DRC3: variants seen among roughly 807,000 people sequenced by gnomAD.
DRC3 encodes dynein regulatory complex subunit 3.
In DRC3, 45 loss-of-function variants were observed where a neutral mutation model predicts 57.6. The observed-to-expected ratio is 0.78, with a 90% CI of 0.62 to 1.00. The LOEUF is 1.00. Among genes scored for constraint, DRC3 ranks in the 50% least tolerant of loss-of-function variants. DRC3 has a pLI of 0.00. For synonymous variants in DRC3, 257 were observed against 272.3 expected, an observed-to-expected ratio of 0.94 and a Z score of 0.55; for missense variants, 655 against 675.2, an observed-to-expected ratio of 0.97 and a Z score of 0.33.
In DRC3 at chr17:18,007,057, C is replaced by T. The variant is rs753596336; in HGVS notation, c.1236C>T (p.His412=). ...AGTGCCGGGACCTGGAGAATCACCA[C>T]CACGAGAAGCTCCTGGAGATCTCTA... ...MAQCRDLENH[H]HEKLLEISIS... The change falls in exon 12 of 14, where the codon CAC becomes CAT. Residue 412 remains histidine, a synonymous_variant. Coordinates refer to ENST00000399187, the MANE Select transcript of DRC3 (RefSeq NM_031294.4). 2 of 1,576,212 alleles carry T rather than the reference C, an allele frequency of 1.3e-6. No individual in the cohort carries two copies. Among genetic ancestry groups the T allele is most frequent in the Non-Finnish European group, 1.7e-6 (2 of 1,159,476 alleles).
chr17:18,011,316 C>T, intron 12 of DRC3: 1 of 350,624 alleles, frequency 2.9e-6, no homozygotes, highest in South Asian at 2.1e-5. Flanking sequence ...GCCAGCGCAG[C>T]AGGTTCAAGG....
intron 9 of DRC3, among the ~76,000 whole-genome samples, chr17:17,998,076 G>A (rs888856717): frequency 1.3e-5 from 2 of 152,220 alleles, no homozygotes; most frequent in Non-Finnish European, 2.9e-5. Context: ...CACTGGACAT[G>A]GTTCCTGCCC....
chr17:17,992,926 C>G lies in DRC3; in HGVS notation c.591+15C>G. ...ATGACCACACAGCAAGTGTCTCCCT[C>G]TCAGTCTCCCAGCCCTGTGAGACAG... On this transcript the variant is annotated intron_variant, in intron 6 of 13. Transcript: ENST00000399187. 6.2e-7 allele frequency: 1 copy of G among 1,613,768 alleles called. No homozygotes were observed. Among genetic ancestry groups the G allele is most frequent in the Non-Finnish European group, 8.5e-7 (1 of 1,179,738 alleles).
chr17:17,994,543 G>A (rs1199723265), intron 7 of DRC3, 125 bp downstream of exon 7: 1 of 1,319,864 alleles, frequency 7.6e-7, no homozygotes. Flanking sequence ...TCCCTCCACA[G>A]GGCCTGATGC....
chr17:17,977,491 C>G, intron 2 of DRC3, 91 bp from the exon 3 acceptor site: 1 of 1,476,552 alleles, frequency 6.8e-7, no homozygotes, highest in Non-Finnish European at 9.4e-7. Context: ...TGCCAGTGGC[C>G]ACAAGACACT....
Position 17,992,777 on chromosome 17 carries a change from C to T in DRC3, c.457C>T (p.Arg153Trp), listed in dbSNP as rs1275052723. 4.3e-6 allele frequency: 7 copies of T among 1,613,404 alleles called. No individual in the cohort carries two copies. The highest frequency in any genetic ancestry group is 1.1e-5 in the South Asian group (1 of 90,994). Reference sequence around the variant, plus strand: ...TTTTTCTCCCCAGATCATCTACCTCCGGCGGTTCAAGTGCCTGCGGACGCT... The same window carrying T: ...TTTTTCTCCCCAGATCATCTACCTCTGGCGGTTCAAGTGCCTGCGGACGCT... ...IDNMMNIIYL[R>W]RFKCLRTLSL... Residue 153 changes from arginine to tryptophan, a missense_variant, in exon 6 of 14, where the codon CGG becomes TGG. Transcript: ENST00000399187.
chr17:17,995,107 G>C lies in DRC3; in HGVS notation c.820G>C (p.Glu274Gln). 1 of 1,611,322 alleles carries C rather than the reference G, an allele frequency of 6.2e-7. No homozygotes were observed. Among genetic ancestry groups the C allele is most frequent in the South Asian group, 1.1e-5 (1 of 90,994 alleles). The change falls in exon 8 of 14, where the codon GAG (glutamate) becomes CAG (glutamine). Residue 274 changes from glutamate to glutamine, a missense_variant. Physicochemically the swap from Glu to Gln is conservative, Grantham distance 29. Transcript: ENST00000399187. ...SYLPGVGELLETYKDKFVIIC... is the reference protein window; with the variant it reads ...SYLPGVGELLQTYKDKFVIIC... The stretch of plus-strand genomic sequence containing the variant: ...CCTGCCTGGTGTCGGTGAGCTCCTT[G>C]AGACATATCCTTCTGAGTTCATGGC...
chr17:18,007,525 AC>A, intron 12 of DRC3: 1 of 1,537,226 alleles, frequency 6.5e-7, no homozygotes, highest in Non-Finnish European at 8.8e-7. Flanking sequence ...TATAATGAGT[AC>A]TGTGGGGGTG....
At chr17:18,006,845 T>G in intron 11 of DRC3, 179 bp from the exon 12 acceptor site, 1 of 895,618 alleles carries the variant, frequency 1.1e-6, no homozygotes, top group Non-Finnish European at 1.6e-6. Context: ...GTCCGAGGTG[T>G]GGGGCAGGGG....
intron 9 of DRC3, among the ~76,000 whole-genome samples, chr17:18,003,921 G>A (rs903273106): frequency 5.3e-5 from 8 of 151,784 alleles, no homozygotes; most frequent in Admixed American, 3.3e-4. Context: ...AAAGTGCTGG[G>A]ATTACAGGCA....
rs557740268 is a variant in DRC3, at chr17:18,008,122, G to A, written c.1326+975G>A. 3.9e-5 allele frequency among the ~76,000 whole-genome samples: 6 copies of A among 152,250 alleles called. No individual in the cohort carries two copies. The South Asian group carries it at 6.2e-4, about 16-fold the overall frequency. On this transcript the variant is annotated intron_variant, in intron 12 of 13. Transcript: ENST00000399187. This position sits in a 1 kb window ranked among gnomAD's most constrained non-coding sequence, Gnocchi z 4.3. Reference sequence around the variant, plus strand: ...AGAACCCTCACTCCTGATGCTCAGCGGCAGCCTCTGAGCTCTTCCCCAGTC... The same window carrying A: ...AGAACCCTCACTCCTGATGCTCAGCAGCAGCCTCTGAGCTCTTCCCCAGTC...
At chr17:17,997,677 A>G (rs1488195505) in intron 9 of DRC3, 43 bp downstream of exon 9, 7 of 1,510,268 alleles carry the variant, frequency 4.6e-6, no homozygotes, top group Non-Finnish European at 5.3e-6. Flanking sequence ...CTCCTGCTGT[A>G]GGCCCTCCCT....
intron 12 of DRC3, among the ~76,000 whole-genome samples, chr17:18,013,542 A>G (rs1462835678): frequency 1.3e-5 from 2 of 152,252 alleles, no homozygotes; most frequent in Non-Finnish European, 2.9e-5. Context: ...CCAGGAACAG[A>G]AAGTTAAACA....
Position 17,992,916 on chromosome 17 carries a change from G to T in DRC3, c.591+5G>T. The T allele has an allele frequency of 6.2e-7, 1 of 1,613,878 alleles. No individual in the cohort carries two copies. The highest frequency in any genetic ancestry group is 8.5e-7 in the Non-Finnish European group (1 of 1,179,806). On this transcript the variant is annotated splice_donor_5th_base_variant and intron_variant, in intron 6 of 13. Transcript: ENST00000399187. ...CGGCGCATTGATGACCACACAGCAAGTGTCTCCCTCTCAGTCTCCCAGCCC... is the reference window on the plus strand; with the variant it reads ...CGGCGCATTGATGACCACACAGCAATTGTCTCCCTCTCAGTCTCCCAGCCC...
chr17:17,975,972 C>T (rs1432830715), intron 2 of DRC3, among the ~76,000 whole-genome samples: 1 of 152,110 alleles, frequency 6.6e-6, no homozygotes, highest in Non-Finnish European at 1.5e-5. Flanking sequence ...AGGGAAGTCT[C>T]TAAGACCAGG....
intron 10 of DRC3, chr17:18,004,881 A>G: frequency 5.2e-6 from 1 of 191,360 alleles, no homozygotes; most frequent in Non-Finnish European, 1.1e-5. Context: ...TGACGTGAGG[A>G]GGCTGCAACT....
At chr17:18,004,620 G>A (rs559167063) in intron 10 of DRC3, 126 bp downstream of exon 10, 2 of 1,033,510 alleles carry the variant, frequency 1.9e-6, no homozygotes, top group East Asian at 5.3e-5. Flanking sequence ...GTGGCAGGCT[G>A]TAGCTTTCTT....
At chr17:17,989,237 C>T (rs1312814977) in intron 5 of DRC3, among the ~76,000 whole-genome samples, 5 of 152,060 alleles carry the variant, frequency 3.3e-5, no homozygotes, top group African/African-American at 7.2e-5. Context: ...AAAGCCTGGC[C>T]GCACGCATCG....
At chr17:18,000,721 A>C (rs2043694608) in intron 9 of DRC3, among the ~76,000 whole-genome samples, 1 of 152,046 alleles carries the variant, frequency 6.6e-6, no homozygotes, top group Non-Finnish European at 1.5e-5. Context: ...AGGCTTCCTC[A>C]TGTTTGCCAA....
Sources: gnomAD v4.1 joint callset for allele counts (sites outside exome capture counted in the v4.1 genomes callset) on GRCh38, gnomAD v4.1.1 for gene constraint, Gnocchi (gnomAD v3.1) non-coding constraint, MANE v1.5 for transcripts, NCBI Gene and HGNC (gene_info 2026-07-23, HGNC 2026-07-21) for gene names.